Variants in PBX1 observed in about 807,000 individuals in gnomAD.
The protein encoded by PBX1 is PBX homeobox 1, also known as pre-B-cell leukemia transcription factor 1.
In PBX1, 6 loss-of-function variants were observed where a neutral mutation model predicts 53.4. The observed-to-expected ratio is 0.11, with a 90% CI of 0.06 to 0.22. The LOEUF is 0.22. Ranked by LOEUF, PBX1 falls within the 10% of genes least tolerant of loss-of-function variation. PBX1 has a pLI of 1.00. For missense variants in PBX1, 251 were observed against 551.4 expected (o/e 0.46, Z 5.46); for synonymous variants, 204 against 212.3 (o/e 0.96, Z 0.34).
intron 2 of PBX1, among the ~76,000 whole-genome samples, chr1:164,726,490 A>G (rs989061006): frequency 6.6e-6 from 1 of 152,234 alleles, no homozygotes; most frequent in Non-Finnish European, 1.5e-5. Context: ...GCTGGAACCA[A>G]TGAATTAACC....
intron 2 of PBX1, among the ~76,000 whole-genome samples, chr1:164,694,955 G>A (rs1462907770): frequency 6.6e-6 from 1 of 152,098 alleles, no homozygotes; most frequent in Admixed American, 6.6e-5. Context: ...CGCATCTGAG[G>A]CCTGCCAGGA....
At chr1:164,723,362 G>A (rs1664511245) in intron 2 of PBX1, among the ~76,000 whole-genome samples, 1 of 152,204 alleles carries the variant, frequency 6.6e-6, no homozygotes, top group Non-Finnish European at 1.5e-5. Context: ...GCTGTCAGCA[G>A]TTGTGAACCC....
At chr1:164,751,090 C>T (rs1379280574) in intron 2 of PBX1, among the ~76,000 whole-genome samples, 3 of 151,620 alleles carry the variant, frequency 2.0e-5, no homozygotes, top group Non-Finnish European at 4.4e-5. Flanking sequence ...CTGAGGCGGG[C>T]GGATCACTTG....
intron 2 of PBX1, among the ~76,000 whole-genome samples, chr1:164,661,942 A>G (rs967409904): frequency 3.9e-5 from 6 of 152,234 alleles, no homozygotes; most frequent in Non-Finnish European, 7.3e-5. Context: ...CATGGAGGGC[A>G]TCAATTGCCT....
chr1:164,732,886 A>G (rs1665074761), intron 2 of PBX1, among the ~76,000 whole-genome samples: 2 of 152,162 alleles, frequency 1.3e-5, no homozygotes, highest in Admixed American at 1.3e-4. Context: ...ATTCTCAAAG[A>G]CAGAAATCTA....
In PBX1 at chr1:164,559,577, C is replaced by G. The variant is rs1478229346; in HGVS notation, c.-246C>G. ...TGGAGTCAACACCCTTCCCCACCAG[C>G]CCTTATCCCCACCCTCACCCCGCAA... is the stretch of plus-strand genomic sequence containing the variant. On this transcript the variant is annotated 5_prime_UTR_variant, in exon 1 of 9. Coordinates refer to ENST00000420696, the MANE Select transcript of PBX1 (RefSeq NM_002585.4). The G allele has an allele frequency of 4.8e-6, 2 of 416,316 alleles. No homozygotes were observed. Among genetic ancestry groups the G allele is most frequent in the South Asian group, 6.6e-5 (1 of 15,168 alleles). 25.8% of individuals were successfully genotyped at this position (416,316 alleles called of 1,614,324 possible). A position where few individuals can be genotyped will look rare whatever the true frequency, so the allele number is the denominator to read the frequency against.
In PBX1 at chr1:164,850,478, AT is replaced by A. The variant is rs915342672; in HGVS notation, c.*3803del. On this transcript the variant is annotated 3_prime_UTR_variant, in exon 9 of 9. Coordinates refer to ENST00000420696, the MANE Select transcript of PBX1 (RefSeq NM_002585.4). ...TGCTCTTAAAAATACAAAAAAAAAA[AT>A]GTTTTGTTTTGTGTTATTTTTGGTT... is the stretch of plus-strand genomic sequence containing the variant. 1.9e-4 allele frequency: 37 copies of A among 197,286 alleles called. No individual in the cohort carries two copies. Among genetic ancestry groups the A allele is most frequent in the African/African-American group, 6.3e-4 (27 of 43,136 alleles). The allele number at this position is 197,286 out of a possible 1,614,324, so 12.2% of individuals were successfully genotyped here.
chr1:164,750,144 T>TGG (rs1400559984), intron 2 of PBX1, among the ~76,000 whole-genome samples: 2 of 97,606 alleles, frequency 2.0e-5, no homozygotes, highest in Non-Finnish European at 4.1e-5. Context: ...GGGGGCTAGT[T>TGG]GGTGTGTGTG....
At chr1:164,828,422 TTA>T (rs1270147491) in intron 8 of PBX1, 1 of 152,194 alleles carries the variant, frequency 6.6e-6, no homozygotes, top group Non-Finnish European at 1.5e-5. Context: ...CCAGTTCCAT[TTA>T]TAAACAATTA....
At chr1:164,637,269 G>T (rs1387993008) in intron 2 of PBX1, among the ~76,000 whole-genome samples, 1 of 152,178 alleles carries the variant, frequency 6.6e-6, no homozygotes, top group Non-Finnish European at 1.5e-5. Flanking sequence ...TTCCCTGATA[G>T]GCAGAGCCGA....
At chr1:164,762,237 C>T (rs1666849563) in intron 2 of PBX1, among the ~76,000 whole-genome samples, 1 of 152,130 alleles carries the variant, frequency 6.6e-6, no homozygotes, top group African/African-American at 2.4e-5. Flanking sequence ...AGAGAAATTG[C>T]CAGCTTAAAA....
chr1:164,673,788 C>G (rs765891098), intron 2 of PBX1, among the ~76,000 whole-genome samples: 4 of 152,144 alleles, frequency 2.6e-5, no homozygotes, highest in East Asian at 1.9e-4. Context: ...TGATTCCACG[C>G]GGATCTCTCG....
chr1:164,844,001 T>C (rs1381338294), intron 8 of PBX1, among the ~76,000 whole-genome samples: 5 of 152,148 alleles, frequency 3.3e-5, no homozygotes, highest in Admixed American at 2.6e-4. Context: ...TAGAACTCCA[T>C]TGTTCCATGA....
intron 2 of PBX1, chr1:164,703,344 T>C (rs6666679): frequency 0.7 from 107,010 of 152,138 alleles, 38,527 homozygotes; most frequent in Middle Eastern, 0.83. Context: ...CTTCTGTGCC[T>C]TTTTCTTGTT....
At chr1:164,860,506 A>G (rs1017708486) in intron 2 of PBX1, among the ~76,000 whole-genome samples, 1 of 152,116 alleles carries the variant, frequency 6.6e-6, no homozygotes, top group African/African-American at 2.4e-5. Flanking sequence ...AGAAATTCCA[A>G]GCTTATTTCT....
chr1:164,687,561 T>TAAAAA (rs5778407), intron 2 of PBX1, among the ~76,000 whole-genome samples: 46 of 110,478 alleles, frequency 4.2e-4, no homozygotes, highest in East Asian at 3.6e-3. Flanking sequence ...AGACCTTGTC[T>TAAAAA]AAAAAAAAAA....
At chr1:164,883,447 G>T (rs1392240760) in intron 2 of PBX1, among the ~76,000 whole-genome samples, 3 of 152,062 alleles carry the variant, frequency 2.0e-5, no homozygotes, top group African/African-American at 7.2e-5. Context: ...TAAAGTCATT[G>T]CAAAATATGT....
chr1:164,848,595 GT>G lies in PBX1; in HGVS notation c.*1923del. On this transcript the variant is annotated 3_prime_UTR_variant, in exon 9 of 9. Transcript: ENST00000420696. ...AGAAGAGTTATTGTTGATCTTCTTG[GT>G]TTTGGTCTGTCTCTTTTCTTAGGAT... 1 of 1,058,154 alleles carries G rather than the reference GT, an allele frequency of 9.5e-7. No homozygotes were observed. Among genetic ancestry groups the G allele is most frequent in the South Asian group, 4.6e-5 (1 of 21,902 alleles). 65.5% of individuals were successfully genotyped at this position (1,058,154 alleles called of 1,614,324 possible). A position where few individuals can be genotyped will look rare whatever the true frequency, so the allele number is the denominator to read the frequency against.
intron 2 of PBX1, among the ~76,000 whole-genome samples, chr1:164,788,668 A>G (rs756264056): frequency 2.0e-5 from 3 of 151,882 alleles, no homozygotes; most frequent in African/African-American, 7.3e-5. Context: ...TTTTTGCACA[A>G]TCATTTTCTA....
Sources: allele counts gnomAD v4.1 joint callset (sites outside exome capture counted in the v4.1 genomes callset), GRCh38; gene constraint gnomAD v4.1.1; transcripts MANE v1.5; gene names NCBI Gene and HGNC (gene_info 2026-07-23, HGNC 2026-07-21).